FAM120C: variants seen among roughly 807,000 people sequenced by gnomAD.
FAM120C encodes the protein family with sequence similarity 120 member C.
A neutral mutation model predicts 71.2 loss-of-function variants in FAM120C; 14 were observed. That is an observed-to-expected ratio of 0.20 (90% CI 0.13 to 0.31). The LOEUF (loss-of-function observed/expected upper bound fraction) is 0.31. Among genes scored for constraint, FAM120C ranks in the 10% least tolerant of loss-of-function variants. FAM120C has a pLI of 1.00. For missense variants in FAM120C, 500 were observed against 879.0 expected, an observed-to-expected ratio of 0.57 and a Z score of 5.45; for synonymous variants, 354 against 353.2, an observed-to-expected ratio of 1.00 and a Z score of -0.03.
At chrX:54,124,742 C>G (rs1260358665) in intron 9 of FAM120C, among the ~76,000 whole-genome samples, 1 of 111,643 alleles carries the variant, frequency 9.0e-6, no homozygotes, top group Non-Finnish European at 1.9e-5. Context: ...TTGGCTCCTC[C>G]CCACCGACCT....
Position 54,097,973 on chromosome X carries a change from G to T in FAM120C, c.2313-6547C>A, listed in dbSNP as rs1211518554. Reference sequence around the variant, plus strand: ...GATCTCCTGGCCTCGTGATCCGCCCGCCTTGGCCTCCCAAAGTGCTGGGAT... The same window carrying T: ...GATCTCCTGGCCTCGTGATCCGCCCTCCTTGGCCTCCCAAAGTGCTGGGAT... On this transcript the variant is annotated intron_variant, in intron 10 of 15. Coordinates refer to ENST00000375180, the MANE Select transcript of FAM120C (RefSeq NM_017848.6). 4.5e-5 allele frequency among the ~76,000 whole-genome samples: 5 copies of T among 109,989 alleles called. No individual in the cohort carries two copies. The Admixed American group carries it at 4.9e-4, about 11-fold the overall frequency.
chrX:54,083,808 C>T (rs980780508), intron 13 of FAM120C, among the ~76,000 whole-genome samples: 1 of 111,025 alleles, frequency 9.0e-6, no homozygotes, highest in African/African-American at 3.3e-5. Flanking sequence ...ATCCACCTCC[C>T]GGGTTCAAGC....
At chrX:54,093,189 C>A (rs1557122836) in intron 10 of FAM120C, among the ~76,000 whole-genome samples, 1 of 111,475 alleles carries the variant, frequency 9.0e-6, no homozygotes, top group Non-Finnish European at 1.9e-5. Context: ...TCATGCCAAG[C>A]CAAAAACAAA....
At chrX:54,077,967 G>A (rs1219023847) in intron 15 of FAM120C, among the ~76,000 whole-genome samples, 4 of 66,788 alleles carry the variant, frequency 6.0e-5, no homozygotes, top group African/African-American at 1.0e-4. Flanking sequence ...TTTTTGAGAC[G>A]GAGTCTCGCT....
At position 54,127,362 on chromosome X, in the gene FAM120C, C is replaced by T. The variant is rs782503485; in HGVS notation, c.2062+5330G>A. Reference sequence around the variant, plus strand: ...ATCCCAGCACTTTGGGAGGCCGAGGCGGGCGGATCACGAGGTCAGGAGATC... The same window carrying T: ...ATCCCAGCACTTTGGGAGGCCGAGGTGGGCGGATCACGAGGTCAGGAGATC... On this transcript the variant is annotated intron_variant, in intron 9 of 15. Coordinates refer to ENST00000375180, the MANE Select transcript of FAM120C (RefSeq NM_017848.6). Among the ~76,000 whole-genome samples the T allele has an allele frequency of 1.7e-4, 18 of 108,855 alleles. No individual in the cohort carries two copies. In the South Asian group the frequency reaches 2.0e-3, roughly 12 times the overall value. 94.5% of individuals were successfully genotyped at this position (108,855 alleles called of 115,157 possible).
intron 8 of FAM120C, among the ~76,000 whole-genome samples, chrX:54,133,348 A>C (rs1557129772): frequency 8.9e-6 from 1 of 112,021 alleles, no homozygotes; most frequent in Non-Finnish European, 1.9e-5. Context: ...AAATAAAATA[A>C]AGTCTCAACA....
At chrX:54,101,422 T>C (rs1438120326) in intron 10 of FAM120C, among the ~76,000 whole-genome samples, 1 of 112,034 alleles carries the variant, frequency 8.9e-6, no homozygotes, top group Non-Finnish European at 1.9e-5. Flanking sequence ...GTTTTGACTA[T>C]TAGCACCTGG....
chrX:54,118,252 C>A (rs2066983234), intron 9 of FAM120C, among the ~76,000 whole-genome samples: 1 of 109,677 alleles, frequency 9.1e-6, no homozygotes, highest in Admixed American at 9.9e-5. Flanking sequence ...CTGGCATTTT[C>A]ACTCAGCATA....
Position 54,072,565 on chromosome X carries a change from G to GAA in FAM120C, c.*466_*467dup, listed in dbSNP as rs369853014. ...GAAGAGGTAGATACCACTTCATAGA[G>GAA]AAAAAAAAAAAACAAAAAAAAACCT... On this transcript the variant is annotated 3_prime_UTR_variant, in exon 16 of 16. Coordinates refer to ENST00000375180, the MANE Select transcript of FAM120C (RefSeq NM_017848.6). 5 of 84,362 alleles carry GAA rather than the reference G, an allele frequency of 5.9e-5. No homozygotes were observed. Among genetic ancestry groups the GAA allele is most frequent in the Admixed American group, 2.7e-4 (2 of 7,314 alleles). The allele number at this position is 84,362 out of a possible 1,213,427, so 7.0% of individuals were successfully genotyped here. A position where few individuals can be genotyped will look rare whatever the true frequency, so the allele number is the denominator to read the frequency against.
chrX:54,155,175 G>A (rs1181965363), intron 3 of FAM120C, among the ~76,000 whole-genome samples: 1 of 111,586 alleles, frequency 9.0e-6, no homozygotes, highest in African/African-American at 3.3e-5. Flanking sequence ...CTGCACTCTA[G>A]GCTGGGCAAC....
rs781948457 is a variant in FAM120C, at chrX:54,134,788, G to A, written c.1616+43C>T. On this transcript the variant is annotated intron_variant, in intron 7 of 15. Transcript: ENST00000375180. ...ATCTAACAAGCAAAATAATACAGAT[G>A]CCTCAGAAATCTACTTCCTTAGGTG... The A allele has an allele frequency of 4.4e-6, 5 of 1,145,383 alleles. No homozygotes were observed. The South Asian group carries it at 8.4e-5, about 19-fold the overall frequency. 94.4% of individuals were successfully genotyped at this position (1,145,383 alleles called of 1,213,427 possible). A position where few individuals can be genotyped will look rare whatever the true frequency, so the allele number is the denominator to read the frequency against.
chrX:54,083,603 C>G (rs2146558743), intron 13 of FAM120C, among the ~76,000 whole-genome samples: 1 of 110,930 alleles, frequency 9.0e-6, no homozygotes, highest in South Asian at 3.8e-4. Flanking sequence ...CCACTGCACT[C>G]CAGCCTGGGC....
At chrX:54,104,114 G>C (rs782645189) in intron 10 of FAM120C, among the ~76,000 whole-genome samples, 7 of 111,980 alleles carry the variant, frequency 6.3e-5, no homozygotes, top group African/African-American at 2.3e-4. Flanking sequence ...TGCTAGAAAT[G>C]ATAAAGCCTT....
rs186932019 is a variant in FAM120C at position 54,170,147 on chromosome X, C to T, written c.700-10531G>A. ...GTACCCAATTTTAGTACTTTTTTCT[C>T]TTTTCTGAGATGGAGTTTTGCTCTT... On this transcript the variant is annotated intron_variant, in intron 1 of 15. Transcript: ENST00000375180. Among the ~76,000 whole-genome samples the T allele has an allele frequency of 2.1e-4, 23 of 111,162 alleles. 1 individual carries two copies. Among genetic ancestry groups the T allele is most frequent in the African/African-American group, 7.2e-4 (22 of 30,642 alleles).
chrX:54,129,639 A>G (rs1939356474), intron 9 of FAM120C, among the ~76,000 whole-genome samples: 1 of 112,107 alleles, frequency 8.9e-6, no homozygotes, highest in Non-Finnish European at 1.9e-5. Context: ...AGAGGCTGCA[A>G]TCTCGGCACT....
intron 1 of FAM120C, among the ~76,000 whole-genome samples, chrX:54,176,639 G>T (rs2067320208): frequency 1.8e-5 from 2 of 111,069 alleles, no homozygotes; most frequent in Non-Finnish European, 3.8e-5. Flanking sequence ...TGAGTAAAAG[G>T]AGTTTGGCAA....
intron 9 of FAM120C, among the ~76,000 whole-genome samples, chrX:54,117,606 G>C (rs1160507367): frequency 9.3e-6 from 1 of 107,222 alleles, no homozygotes; most frequent in African/African-American, 3.4e-5. Flanking sequence ...GCAGAGGCAG[G>C]AGAATCGCTT....
intron 3 of FAM120C, among the ~76,000 whole-genome samples, chrX:54,156,976 T>C (rs1025363812): frequency 9.6e-6 from 1 of 103,925 alleles, no homozygotes; most frequent in African/African-American, 3.6e-5. Flanking sequence ...ACCCAGGAGG[T>C]GGAGGTTGCA....
At chrX:54,138,071 T>C (rs1603359947) in intron 4 of FAM120C, among the ~76,000 whole-genome samples, 1 of 111,584 alleles carries the variant, frequency 9.0e-6, no homozygotes, top group East Asian at 2.8e-4. Context: ...TATATATCAA[T>C]GGAAGAATAA....
Sources: gnomAD v4.1 joint callset for allele counts (sites outside exome capture counted in the v4.1 genomes callset) on GRCh38, gnomAD v4.1.1 for gene constraint, MANE v1.5 for transcripts, NCBI Gene and HGNC (gene_info 2026-07-23, HGNC 2026-07-21) for gene names.